NDUFAF5: variants seen among roughly 807,000 people sequenced by gnomAD.
NDUFAF5 encodes the protein NADH:ubiquinone oxidoreductase complex assembly factor 5.
Under a neutral mutation model 48.9 loss-of-function variants are expected in NDUFAF5, and 34 were observed. The ratio of observed to expected loss-of-function variants is 0.70; its 90% confidence interval spans 0.53 to 0.93. NDUFAF5 has a LOEUF of 0.93. Ranked by LOEUF, NDUFAF5 falls within the 40% of genes least tolerant of loss-of-function variation. The pLI is 0.00. For missense variants in NDUFAF5, 428 were observed against 427.5 expected (o/e 1.00, Z -0.01); for synonymous variants, 153 against 150.6 (o/e 1.02, Z -0.12).
rs572780200 is a variant in NDUFAF5, at chr20:13,810,093, C to G, written c.778+1191C>G. ...ATGTGGGTAGGTAGCTCAGAGGAAG[C>G]TACTGGCTTGGTTAAAAAGTTGGGA... On this transcript the variant is annotated intron_variant, in intron 8 of 10. Transcript: ENST00000378106. Among the ~76,000 whole-genome samples the G allele has an allele frequency of 5.8e-4, 88 of 152,288 alleles. 1 individual carries two copies. The South Asian group carries it at 0.017, about 30-fold the overall frequency.
At chr20:13,807,114 T>C (rs955533062) in intron 7 of NDUFAF5, among the ~76,000 whole-genome samples, 2 of 151,678 alleles carry the variant, frequency 1.3e-5, no homozygotes, top group East Asian at 1.9e-4. Flanking sequence ...TGGCGTGATC[T>C]CGGCTCACTG....
At chr20:13,791,876 A>T (rs774247914) in intron 3 of NDUFAF5, among the ~76,000 whole-genome samples, 73 of 152,324 alleles carry the variant, frequency 4.8e-4, no homozygotes, top group Non-Finnish European at 9.3e-4. Context: ...GCTACACCCA[A>T]GGGTAGCTGA....
chr20:13,795,079 G>T, intron 5 of NDUFAF5, 138 bp downstream of exon 5: 3 of 666,496 alleles, frequency 4.5e-6, no homozygotes, highest in Non-Finnish European at 8.1e-6. Context: ...AATCTCTTGA[G>T]GTCAGGAGTT....
At chr20:13,789,559 T>TCA (rs1981912553) in intron 3 of NDUFAF5, among the ~76,000 whole-genome samples, 1 of 151,992 alleles carries the variant, frequency 6.6e-6, no homozygotes, top group Non-Finnish European at 1.5e-5. Flanking sequence ...CACTGCAAGC[T>TCA]TTGCCTTCCA....
At chr20:13,788,010 T>G (rs1981502344) in intron 2 of NDUFAF5, among the ~76,000 whole-genome samples, 1 of 152,208 alleles carries the variant, frequency 6.6e-6, no homozygotes, top group Non-Finnish European at 1.5e-5. Flanking sequence ...GGATTCAGAC[T>G]GACCGAATTC....
chr20:13,788,408 G>A (rs1455200750), intron 2 of NDUFAF5, among the ~76,000 whole-genome samples, 181 bp from the exon 3 acceptor site: 1 of 152,204 alleles, frequency 6.6e-6, no homozygotes, highest in Non-Finnish European at 1.5e-5. Context: ...ATAGCTAGCA[G>A]ACAGACTTGC....
intron 8 of NDUFAF5, among the ~76,000 whole-genome samples, chr20:13,813,327 A>G (rs1366649412): frequency 6.6e-6 from 1 of 152,186 alleles, no homozygotes; most frequent in African/African-American, 2.4e-5. Context: ...CTTAACTGTA[A>G]TGTCTGTTAC....
intron 3 of NDUFAF5, among the ~76,000 whole-genome samples, chr20:13,788,899 A>G (rs923124396): frequency 2.0e-5 from 3 of 152,002 alleles, no homozygotes; most frequent in Non-Finnish European, 2.9e-5. Flanking sequence ...ATTTGAATCT[A>G]TAGAAGATAT....
rs1467501899 is a variant in NDUFAF5, at chr20:13,818,203, A to G, written c.*993A>G. ...GGGGGCTGTGTGTTAGCCTGTACGT[A>G]GCACATGGGACTTTCCACATAGTAG... On this transcript the variant is annotated 3_prime_UTR_variant, in exon 11 of 11. Coordinates refer to ENST00000378106, the MANE Select transcript of NDUFAF5 (RefSeq NM_024120.5). The G allele has an allele frequency of 2.2e-6, 1 of 454,118 alleles. No homozygotes were observed. Among genetic ancestry groups the G allele is most frequent in the Non-Finnish European group, 4.4e-6 (1 of 226,796 alleles). 28.1% of individuals were successfully genotyped at this position (454,118 alleles called of 1,614,324 possible).
In NDUFAF5 at chr20:13,785,177, G is replaced by C; in HGVS notation, c.109G>C (p.Gly37Arg). 6.2e-7 allele frequency: 1 copy of C among 1,613,888 alleles called. No homozygotes were observed. The highest frequency in any genetic ancestry group is 1.1e-5 in the South Asian group (1 of 91,022). ...REVTSGVSPR[G>R]STSPRTLNIF... Reference sequence around the variant, plus strand: ...AGTCACCTCTGGTGTCTCTCCCCGCGGTAGCACCTCGCCCAGAACCCTGAA... The same window carrying C: ...AGTCACCTCTGGTGTCTCTCCCCGCCGTAGCACCTCGCCCAGAACCCTGAA... Residue 37 changes from glycine (G) to arginine (R), a missense_variant, in exon 1 of 11, where the codon GGT becomes CGT. Coordinates refer to ENST00000378106, the MANE Select transcript of NDUFAF5 (RefSeq NM_024120.5).
In NDUFAF5 at chr20:13,818,411, G is replaced by T; in HGVS notation, c.*1201G>T. ...TTTTGTTTTAACACAAAGTAAACCT[G>T]TGAAGTAGAATTTGGCGTTTTGTTT... On this transcript the variant is annotated 3_prime_UTR_variant, in exon 11 of 11. Transcript: ENST00000378106. 6 of 317,342 alleles carry T rather than the reference G, an allele frequency of 1.9e-5. No homozygotes were observed. The highest frequency in any genetic ancestry group is 3.1e-5 in the Non-Finnish European group (5 of 161,636). 19.7% of individuals were successfully genotyped at this position (317,342 alleles called of 1,614,324 possible).
At chr20:13,811,277 G>T (rs888602195) in intron 8 of NDUFAF5, among the ~76,000 whole-genome samples, 9 of 152,148 alleles carry the variant, frequency 5.9e-5, no homozygotes, top group African/African-American at 2.2e-4. Context: ...ACACTGGAGG[G>T]ACAGGAGGGT....
chr20:13,817,985 G>A lies in NDUFAF5; in HGVS notation c.*775G>A, dbSNP rs953388395. 2.2e-6 allele frequency: 1 copy of A among 454,190 alleles called. No individual in the cohort carries two copies. Among genetic ancestry groups the A allele is most frequent in the Non-Finnish European group, 4.4e-6 (1 of 226,806 alleles). 28.1% of individuals were successfully genotyped at this position (454,190 alleles called of 1,614,324 possible). ...GAGGAAGCAGGGAGAAGGCTGAGAA[G>A]CAAGCAGGAGTGAGCGCTAAGTGTT... On this transcript the variant is annotated 3_prime_UTR_variant, in exon 11 of 11. Coordinates refer to ENST00000378106, the MANE Select transcript of NDUFAF5 (RefSeq NM_024120.5).
At chr20:13,805,870 T>G (rs1015629697) in intron 7 of NDUFAF5, among the ~76,000 whole-genome samples, 5 of 152,098 alleles carry the variant, frequency 3.3e-5, no homozygotes, top group African/African-American at 1.2e-4. Context: ...GAGGCTGCAG[T>G]GAGCCATGAT....
chr20:13,814,467 A>T, intron 8 of NDUFAF5: 1 of 1,289,342 alleles, frequency 7.8e-7, no homozygotes, highest in Non-Finnish European at 1.0e-6. Flanking sequence ...GCTGCATATC[A>T]GCTGATGAAT....
intron 8 of NDUFAF5, chr20:13,814,407 T>C (rs763631734): frequency 1.8e-5 from 23 of 1,263,838 alleles, no homozygotes; most frequent in South Asian, 1.6e-4. Flanking sequence ...GCTGCTATTA[T>C]TAATTCACAG....
chr20:13,814,271 A>AC (rs1284126581), intron 8 of NDUFAF5: 7 of 380,558 alleles, frequency 1.8e-5, no homozygotes, highest in African/African-American at 1.3e-4. Context: ...AGGCAGGGAG[A>AC]CCGTGGGAGA....
chr20:13,818,535 C>G lies in NDUFAF5; in HGVS notation c.*1325C>G, dbSNP rs1429766028. The G allele has an allele frequency of 3.3e-6, 1 of 299,450 alleles. No homozygotes were observed. Among genetic ancestry groups the G allele is most frequent in the Non-Finnish European group, 6.4e-6 (1 of 156,086 alleles). The allele number at this position is 299,450 out of a possible 1,614,324, so 18.5% of individuals were successfully genotyped here. A position where few individuals can be genotyped will look rare whatever the true frequency, so the allele number is the denominator to read the frequency against. On this transcript the variant is annotated 3_prime_UTR_variant, in exon 11 of 11. Transcript: ENST00000378106. ...GCTAGCCAGGTGCAATGGCGCATGC[C>G]TGTAGTCCCAGCTACTTGGGAGGCT...
chr20:13,785,400 G>C (rs1980855397), intron 1 of NDUFAF5, 110 bp downstream of exon 1: 1 of 901,710 alleles, frequency 1.1e-6, no homozygotes, highest in Non-Finnish European at 1.7e-6. Context: ...GTCTGACCTT[G>C]ACCAGCAGCC....
Sources: gnomAD v4.1 joint callset for allele counts (sites outside exome capture counted in the v4.1 genomes callset) on GRCh38, gnomAD v4.1.1 for gene constraint, MANE v1.5 for transcripts, NCBI Gene and HGNC (gene_info 2026-07-23, HGNC 2026-07-21) for gene names.